MCC: variants seen among roughly 807,000 people sequenced by gnomAD.
MCC encodes the protein colorectal mutant cancer protein.
A neutral mutation model predicts 116.2 loss-of-function variants in MCC; 90 were observed. That is an observed-to-expected ratio of 0.77 (90% CI 0.65 to 0.92). The LOEUF is 0.92. Ranked by LOEUF, MCC falls within the 40% of genes least tolerant of loss-of-function variation. MCC has a pLI of 0.00. For missense variants in MCC, 1,516 were observed against 1,312.2 expected (o/e 1.16, Z -2.40); for synonymous variants, 578 against 510.5 (o/e 1.13, Z -1.78).
chr5:113,457,233 C>G (rs1325310450), intron 1 of MCC, among the ~76,000 whole-genome samples: 2 of 152,236 alleles, frequency 1.3e-5, no homozygotes, highest in Non-Finnish European at 2.9e-5. Flanking sequence ...GGGCCCCACA[C>G]TCGGAGCAGC....
chr5:113,389,047 C>CATCT (rs1213087231), intron 1 of MCC, among the ~76,000 whole-genome samples: 1 of 152,154 alleles, frequency 6.6e-6, no homozygotes, highest in African/African-American at 2.4e-5. Context: ...AAATTACAAT[C>CATCT]ATCTATACAT....
intron 3 of MCC, among the ~76,000 whole-genome samples, chr5:113,289,523 A>T (rs1191653717): frequency 6.6e-6 from 1 of 151,982 alleles, no homozygotes; most frequent in East Asian, 1.9e-4. Context: ...CCAACAGAAC[A>T]CACAGAAATG....
chr5:113,049,827 G>A (rs576085500), intron 15 of MCC, among the ~76,000 whole-genome samples: 2 of 152,322 alleles, frequency 1.3e-5, no homozygotes, highest in South Asian at 2.1e-4. Context: ...GCGAATGCCT[G>A]CAGCAGCATC....
chr5:113,324,543 T>C (rs1767502877), intron 3 of MCC, among the ~76,000 whole-genome samples: 1 of 152,142 alleles, frequency 6.6e-6, no homozygotes, highest in Admixed American at 6.5e-5. Context: ...TGGCTAAACC[T>C]AAGATTTTAA....
At chr5:113,096,769 T>C (rs1159652195) in intron 8 of MCC, among the ~76,000 whole-genome samples, 8 of 152,178 alleles carry the variant, frequency 5.3e-5, no homozygotes, top group African/African-American at 1.9e-4. Flanking sequence ...GAATATATGG[T>C]GCAGGCAAGA....
At chr5:113,215,167 G>C (rs1444054797) in intron 3 of MCC, among the ~76,000 whole-genome samples, 6 of 152,190 alleles carry the variant, frequency 3.9e-5, no homozygotes, top group African/African-American at 1.2e-4. Context: ...CTAGGCAGAG[G>C]TGAATGCATC....
At chr5:113,487,723 A>T (rs1209807242) in intron 1 of MCC, among the ~76,000 whole-genome samples, 1 of 152,218 alleles carries the variant, frequency 6.6e-6, no homozygotes, top group East Asian at 1.9e-4. Flanking sequence ...TGGGCTCTGA[A>T]GTTTGGAATT....
At chr5:113,261,576 T>A (rs1227342266) in intron 3 of MCC, among the ~76,000 whole-genome samples, 1 of 152,128 alleles carries the variant, frequency 6.6e-6, no homozygotes, top group East Asian at 1.9e-4. Flanking sequence ...ACAAATACAG[T>A]CATAAATACC....
At chr5:113,150,425 A>T (rs1759783771) in intron 4 of MCC, among the ~76,000 whole-genome samples, 1 of 152,192 alleles carries the variant, frequency 6.6e-6, no homozygotes, top group Admixed American at 6.5e-5. Flanking sequence ...ACAAAAACAA[A>T]ATCCCCCAAA....
intron 17 of MCC, among the ~76,000 whole-genome samples, chr5:113,042,845 T>C (rs1485090288): frequency 1.3e-5 from 2 of 151,668 alleles, no homozygotes; most frequent in Non-Finnish European, 2.9e-5. Context: ...AGACATATTA[T>C]GTTAAATAAA....
chr5:113,093,509 G>C (rs535191735), intron 8 of MCC, among the ~76,000 whole-genome samples: 8 of 151,980 alleles, frequency 5.3e-5, no homozygotes, highest in Admixed American at 3.3e-4. Flanking sequence ...CCAAAAGAAA[G>C]TAAATGATGC....
chr5:113,260,449 A>C (rs1327187028), intron 3 of MCC, among the ~76,000 whole-genome samples: 1 of 152,168 alleles, frequency 6.6e-6, no homozygotes, highest in Non-Finnish European at 1.5e-5. Context: ...GTTGAAGTAC[A>C]TAAAGAAAAA....
At chr5:113,099,925 C>T (rs1002585765) in intron 8 of MCC, among the ~76,000 whole-genome samples, 1 of 152,210 alleles carries the variant, frequency 6.6e-6, no homozygotes, top group Non-Finnish European at 1.5e-5. Flanking sequence ...AGAGCAAGTA[C>T]ATACCTAATT....
Position 113,202,118 on chromosome 5 carries a change from C to G in MCC, c.628-50696G>C, listed in dbSNP as rs138759545. ...CCTCCATTACAAATTTCCCCATTAA[C>G]CGAAGCCACCAAAATCTGCTGTCTG... On this transcript the variant is annotated intron_variant, in intron 3 of 18. Transcript: ENST00000408903. 3.5e-3 allele frequency among the ~76,000 whole-genome samples: 534 copies of G among 152,208 alleles called. 5 individuals carry two copies. Among genetic ancestry groups the G allele is most frequent in the African/African-American group, 0.013 (519 of 41,518 alleles).
At chr5:113,102,135 C>T (rs963749172) in intron 7 of MCC, among the ~76,000 whole-genome samples, 190 bp from the exon 8 acceptor site, 2 of 152,220 alleles carry the variant, frequency 1.3e-5, no homozygotes, top group Admixed American at 6.5e-5. Context: ...GGCTCTGTCA[C>T]TTGCCTGGGG....
Position 113,024,389 on chromosome 5 carries a change from A to G in MCC, c.*2913T>C, listed in dbSNP as rs994210441. On this transcript the variant is annotated 3_prime_UTR_variant, in exon 19 of 19. Transcript: ENST00000408903. ...GCTCACACTGATGGCACTCGCAACT[A>G]CGGACAGAAGTCTCTTTTGCTTGTG... The G allele has an allele frequency of 1.3e-5, 2 of 152,236 alleles. No homozygotes were observed. The highest frequency in any genetic ancestry group is 4.8e-5 in the African/African-American group (2 of 41,450). The allele number at this position is 152,236 out of a possible 1,614,324, so 9.4% of individuals were successfully genotyped here.
chr5:113,488,274 G>C lies in MCC; in HGVS notation c.141C>G (p.Cys47Trp). The part of the protein sequence containing the change: ...EERMRRLFQT[C>W]DGDGDGYISR... ...TGATGTATCCGTCCCCGTCGCCGTC[G>C]CACGTCTGGAAGAGGCGCCGCATCC... The change falls in exon 1 of 19, where the codon TGC becomes TGG. Residue 47 changes from cysteine (C) to tryptophan (W), a missense_variant. By Grantham distance (215) the Cys-to-Trp change is radical. Transcript: ENST00000408903. The C allele has an allele frequency of 3.1e-6, 5 of 1,595,378 alleles. No homozygotes were observed. Among genetic ancestry groups the C allele is most frequent in the Non-Finnish European group, 4.3e-6 (5 of 1,171,850 alleles).
At chr5:113,132,276 C>T (rs1207675270) in intron 5 of MCC, among the ~76,000 whole-genome samples, 2 of 150,710 alleles carry the variant, frequency 1.3e-5, no homozygotes, top group Admixed American at 6.6e-5. Context: ...TGTAACCTAC[C>T]TATTAAATTA....
intron 2 of MCC, among the ~76,000 whole-genome samples, chr5:113,384,691 T>C (rs1769206049): frequency 6.6e-6 from 1 of 152,250 alleles, no homozygotes; most frequent in Non-Finnish European, 1.5e-5. Context: ...ACCTTTCTTA[T>C]GCATTTGCCC....
Sources: allele counts gnomAD v4.1 joint callset (sites outside exome capture counted in the v4.1 genomes callset), GRCh38; gene constraint gnomAD v4.1.1; transcripts MANE v1.5; gene names NCBI Gene and HGNC (gene_info 2026-07-23, HGNC 2026-07-21).